Variants in AGFG2 observed in about 807,000 individuals in gnomAD.
AGFG2 encodes the protein arf-GAP domain and FG repeat-containing protein 2.
AGFG2 carries 31 observed loss-of-function variants against 48.0 expected under a neutral mutation model. That is an observed-to-expected ratio of 0.65 (90% CI 0.49 to 0.87). The LOEUF (loss-of-function observed/expected upper bound fraction) is 0.87, where lower values mean the gene tolerates loss of function less well. Ranked by LOEUF, AGFG2 falls within the 40% of genes least tolerant of loss-of-function variation. The pLI, the probability that AGFG2 is intolerant of heterozygous loss-of-function variation, is 0.00. For missense variants in AGFG2, 599 were observed against 632.6 expected (o/e 0.95, Z 0.57); for synonymous variants, 229 against 260.8 (o/e 0.88, Z 1.18).
At chr7:100,550,305 CAAAAAA>C (rs61255061) in intron 2 of AGFG2, 85 bp from the exon 3 acceptor site, 351 of 296,960 alleles carry the variant, frequency 1.2e-3, no homozygotes, top group East Asian at 1.9e-3. Flanking sequence ...GACTCCGTCT[CAAAAAA>C]AAAAAAAAAA....
chr7:100,558,472 T>C (rs1281082700), intron 6 of AGFG2, among the ~76,000 whole-genome samples: 1 of 152,046 alleles, frequency 6.6e-6, no homozygotes, highest in East Asian at 1.9e-4. Context: ...TTGTTATAGA[T>C]GCGTCCCTTC....
Position 100,554,090 on chromosome 7 carries a change from A to C in AGFG2, c.586-3A>C. The C allele has an allele frequency of 6.2e-7, 1 of 1,612,186 alleles. No homozygotes were observed. The highest frequency in any genetic ancestry group is 8.5e-7 in the Non-Finnish European group (1 of 1,179,066). On this transcript the variant is annotated splice_region_variant and splice_polypyrimidine_tract_variant and intron_variant, in intron 4 of 11. Transcript: ENST00000300176. ...GGGCTGTATGCATTCCTTCTCCTCC[A>C]AGCCCGTCAGTCAGTCTCACGCTCG...
At chr7:100,550,939 C>T (rs13239661) in intron 3 of AGFG2, among the ~76,000 whole-genome samples, 1 of 145,750 alleles carries the variant, frequency 6.9e-6, no homozygotes, top group East Asian at 2.0e-4. Flanking sequence ...CAGCTTACTG[C>T]AGTCTCAGCT....
intron 6 of AGFG2, among the ~76,000 whole-genome samples, chr7:100,558,963 CCT>C (rs1800813184): frequency 6.6e-6 from 1 of 151,862 alleles, no homozygotes; most frequent in Non-Finnish European, 1.5e-5. Flanking sequence ...TGGTGAAACC[CCT>C]CTCTACCAAA....
rs189871362 is a variant in AGFG2 at position 100,540,237 on chromosome 7, A to T, written c.221+670A>T. ...AATCTTAGCAGGGCTTTGAAATGTT[A>T]CCCAGAAGGTAAAACTCTTACGAAA... On this transcript the variant is annotated intron_variant, in intron 1 of 11. Transcript: ENST00000300176. Among the ~76,000 whole-genome samples the T allele has an allele frequency of 1.4e-4, 22 of 152,258 alleles. No individual in the cohort carries two copies. In the South Asian group the frequency reaches 2.1e-3, roughly 14 times the overall value.
At chr7:100,553,641 T>A in intron 4 of AGFG2, 141 bp downstream of exon 4, 1 of 1,032,622 alleles carries the variant, frequency 9.7e-7, no homozygotes, top group Non-Finnish European at 1.4e-6. Context: ...TTAACCTGTA[T>A]CTTGTATTTG....
chr7:100,565,311 C>A lies in AGFG2; in HGVS notation c.*320C>A. The A allele has an allele frequency of 2.4e-6, 1 of 412,664 alleles. No individual in the cohort carries two copies. The highest frequency in any genetic ancestry group is 4.5e-6 in the Non-Finnish European group (1 of 222,028). The allele number at this position is 412,664 out of a possible 1,614,324, so 25.6% of individuals were successfully genotyped here. On this transcript the variant is annotated 3_prime_UTR_variant, in exon 12 of 12. Transcript: ENST00000300176. ...TGGAACAGCTCTTCCCTGGGCCTAG[C>A]TCGCCAGCGCTGTGCTCCTCATGGA... is the stretch of plus-strand genomic sequence containing the variant.
chr7:100,539,287 C>T lies in AGFG2; in HGVS notation c.-60C>T, dbSNP rs1800370891. 3 of 1,263,862 alleles carry T rather than the reference C, an allele frequency of 2.4e-6. No individual in the cohort carries two copies. The highest frequency in any genetic ancestry group is 3.1e-5 in the African/African-American group (2 of 64,284). 78.3% of individuals were successfully genotyped at this position (1,263,862 alleles called of 1,614,324 possible). A position where few individuals can be genotyped will look rare whatever the true frequency, so the allele number is the denominator to read the frequency against. Reference sequence around the variant, plus strand: ...GGGCGTGCGGAGGCGGCTGAGGAGGCGGGAAGGCGGCAGTGGTTGAAGGGG... The same window carrying T: ...GGGCGTGCGGAGGCGGCTGAGGAGGTGGGAAGGCGGCAGTGGTTGAAGGGG... On this transcript the variant is annotated 5_prime_UTR_variant, in exon 1 of 12. Coordinates refer to ENST00000300176, the MANE Select transcript of AGFG2 (RefSeq NM_006076.5).
chr7:100,560,808 CTTTTTT>C (rs66837050), intron 6 of AGFG2, among the ~76,000 whole-genome samples: 1 of 112,838 alleles, frequency 8.9e-6, no homozygotes, highest in Non-Finnish European at 1.8e-5. Context: ...GAAGATCTCC[CTTTTTT>C]TTTTTTTTTT....
At position 100,562,692 on chromosome 7, in the gene AGFG2, G is replaced by A. The variant is rs1045031062; in HGVS notation, c.1087+10G>A. 1.9e-5 allele frequency: 31 copies of A among 1,604,122 alleles called. No homozygotes were observed. The highest frequency in any genetic ancestry group is 2.5e-5 in the Non-Finnish European group (30 of 1,177,840). ...GGGCTGGCCTTTGGAGGTGAGTCCT[G>A]CCTGTGGAGACCCAGGGGAGGGGAC... is the stretch of plus-strand genomic sequence containing the variant. On this transcript the variant is annotated intron_variant, in intron 8 of 11. Coordinates refer to ENST00000300176, the MANE Select transcript of AGFG2 (RefSeq NM_006076.5). The surrounding 1 kb of genome is among the most constrained non-coding windows in gnomAD (Gnocchi z 5.4).
At chr7:100,549,762 G>A (rs534274885) in intron 2 of AGFG2, among the ~76,000 whole-genome samples, 20 of 151,964 alleles carry the variant, frequency 1.3e-4, no homozygotes, top group Non-Finnish European at 1.9e-4. Flanking sequence ...GTGCAATCTT[G>A]GCTCACTGCA....
chr7:100,556,469 G>T, intron 6 of AGFG2: 1 of 745,082 alleles, frequency 1.3e-6, no homozygotes, highest in Non-Finnish European at 1.9e-6. Context: ...GGACATCCTG[G>T]ACACATGGGA....
chr7:100,562,692 GC>G lies in AGFG2; in HGVS notation c.1087+12del. On this transcript the variant is annotated intron_variant, in intron 8 of 11. Transcript: ENST00000300176. This position sits in a 1 kb window ranked among gnomAD's most constrained non-coding sequence, Gnocchi z 5.4. ...GGGCTGGCCTTTGGAGGTGAGTCCT[GC>G]CTGTGGAGACCCAGGGGAGGGGACC... 1 of 1,604,240 alleles carries G rather than the reference GC, an allele frequency of 6.2e-7. No individual in the cohort carries two copies. The highest frequency in any genetic ancestry group is 8.5e-7 in the Non-Finnish European group (1 of 1,177,832).
At position 100,539,290 on chromosome 7, in the gene AGFG2, G is replaced by C. The variant is rs1800370992; in HGVS notation, c.-57G>C. The C allele has an allele frequency of 1.6e-6, 2 of 1,271,116 alleles. No individual in the cohort carries two copies. Among genetic ancestry groups the C allele is most frequent in the Non-Finnish European group, 2.0e-6 (2 of 1,005,174 alleles). 78.7% of individuals were successfully genotyped at this position (1,271,116 alleles called of 1,614,324 possible). The stretch of plus-strand genomic sequence containing the variant: ...CGTGCGGAGGCGGCTGAGGAGGCGG[G>C]AAGGCGGCAGTGGTTGAAGGGGTGA... On this transcript the variant is annotated 5_prime_UTR_variant, in exon 1 of 12. Coordinates refer to ENST00000300176, the MANE Select transcript of AGFG2 (RefSeq NM_006076.5).
chr7:100,540,081 G>A (rs1334405923), intron 1 of AGFG2, among the ~76,000 whole-genome samples: 4 of 150,130 alleles, frequency 2.7e-5, no homozygotes, highest in Non-Finnish European at 4.4e-5. Context: ...GAAGCCAGCT[G>A]AAACTTGGTT....
At chr7:100,551,317 C>T (rs1800640018) in intron 3 of AGFG2, among the ~76,000 whole-genome samples, 1 of 151,234 alleles carries the variant, frequency 6.6e-6, no homozygotes, top group African/African-American at 2.4e-5. Flanking sequence ...GATCCGCCCA[C>T]CTTGGCTCCC....
At chr7:100,548,052 G>C (rs2131105609) in intron 1 of AGFG2, among the ~76,000 whole-genome samples, 1 of 152,182 alleles carries the variant, frequency 6.6e-6, no homozygotes, top group East Asian at 1.9e-4. Context: ...TTGTGTTTTT[G>C]TGGGCCCTGG....
In AGFG2 at chr7:100,539,460, C is replaced by T; in HGVS notation, c.114C>T (p.Gly38=). The change falls in exon 1 of 12, where the codon GGC becomes GGT. Residue 38 remains glycine (G), a synonymous_variant. Coordinates refer to ENST00000300176, the MANE Select transcript of AGFG2 (RefSeq NM_006076.5). ...VWCRRVRELG[G]CSQAGNRHCF... Reference sequence around the variant, plus strand: ...GCCGTCGGGTGCGGGAGCTGGGTGGCTGCAGCCAGGCCGGGAACCGCCACT... The same window carrying T: ...GCCGTCGGGTGCGGGAGCTGGGTGGTTGCAGCCAGGCCGGGAACCGCCACT... The T allele has an allele frequency of 1.5e-6, 2 of 1,321,846 alleles. No individual in the cohort carries two copies. The highest frequency in any genetic ancestry group is 1.9e-6 in the Non-Finnish European group (2 of 1,031,674). The allele number at this position is 1,321,846 out of a possible 1,614,324, so 81.9% of individuals were successfully genotyped here.
In AGFG2 at chr7:100,563,840, G is replaced by A. The variant is rs749073788; in HGVS notation, c.1178G>A (p.Gly393Asp). ...CCCGTCTTTCACTCCATAGGGCCCG[G>A]CTTTGGGATGAGCAGTGCTGGGCCT... ...FQPNGLAPGPGFGMSSAGPGF... is the reference protein window; with the variant it reads ...FQPNGLAPGPDFGMSSAGPGF... The change falls in exon 10 of 12, where the codon GGC becomes GAC. Residue 393 changes from glycine (G) to aspartate (D), a missense_variant. Gly to Asp is a moderately conservative substitution (Grantham distance 94). Coordinates refer to ENST00000300176, the MANE Select transcript of AGFG2 (RefSeq NM_006076.5). 1.7e-5 allele frequency: 27 copies of A among 1,611,398 alleles called. No homozygotes were observed. The South Asian group carries it at 2.9e-4, about 17-fold the overall frequency.
Sources: gnomAD v4.1 joint callset for allele counts (sites outside exome capture counted in the v4.1 genomes callset) on GRCh38, gnomAD v4.1.1 for gene constraint, Gnocchi (gnomAD v3.1) non-coding constraint, MANE v1.5 for transcripts, NCBI Gene and HGNC (gene_info 2026-07-23, HGNC 2026-07-21) for gene names.